The following MBD2 variants were observed in gnomAD, a reference collection of about 807,000 sequenced individuals.
MBD2 encodes methyl-CpG-binding domain protein 2.
In MBD2, 9 loss-of-function variants were observed where a neutral mutation model predicts 39.3. The ratio of observed to expected loss-of-function variants is 0.23; its 90% CI spans 0.14 to 0.40. MBD2 has a LOEUF of 0.40. Ranked by LOEUF, MBD2 falls within the 10% of genes least tolerant of loss-of-function variation. The pLI is 1.00. For synonymous variants in MBD2, 233 were observed against 211.1 expected, an observed-to-expected ratio of 1.10 and a Z score of -0.90; for missense variants, 458 against 532.6, an observed-to-expected ratio of 0.86 and a Z score of 1.38.
Position 54,224,314 on chromosome 18 carries a change from A to ACGGCCC in MBD2, c.240_245dup (p.Gly95_Arg96dup), listed in dbSNP as rs1210718511. Reference sequence around the variant, plus strand: ...CCCGGCCCCGTCCCCGTCCCCGGCCACGGCCCCGGCCCCGGCCACGGCCAC... The same window carrying ACGGCCC: ...CCCGGCCCCGTCCCCGTCCCCGGCCACGGCCCCGGCCCCGGCCCCGGCCACGGCCAC... On this transcript the variant is annotated inframe_insertion, in exon 1 of 7. Transcript: ENST00000256429. The ACGGCCC allele has an allele frequency of 1.7e-4, 159 of 945,920 alleles. 4 individuals are homozygous for ACGGCCC. In the East Asian group the frequency reaches 0.01, roughly 62 times the overall value. 58.6% of individuals were successfully genotyped at this position (945,920 alleles called of 1,614,324 possible). A position where few individuals can be genotyped will look rare whatever the true frequency, so the allele number is the denominator to read the frequency against.
At chr18:54,185,865 T>C (rs1468566545) in intron 3 of MBD2, among the ~76,000 whole-genome samples, 3 of 152,150 alleles carry the variant, frequency 2.0e-5, no homozygotes, top group Admixed American at 2.0e-4. Flanking sequence ...AAAATTTTAA[T>C]TATAAGTAGA....
chr18:54,201,036 C>T (rs1464420123), intron 2 of MBD2, among the ~76,000 whole-genome samples: 1 of 150,842 alleles, frequency 6.6e-6, no homozygotes. Flanking sequence ...GCCAAGATCA[C>T]GCCACTGCAC....
chr18:54,182,211 C>T (rs2086256359), intron 3 of MBD2, among the ~76,000 whole-genome samples: 2 of 152,152 alleles, frequency 1.3e-5, no homozygotes, highest in African/African-American at 4.8e-5. Flanking sequence ...ACATATTAAG[C>T]ACTTACATAA....
At chr18:54,202,935 G>A (rs2086419038) in intron 2 of MBD2, 3 of 1,012,348 alleles carry the variant, frequency 3.0e-6, no homozygotes, top group Non-Finnish European at 3.2e-6. Context: ...AGTATGCAGG[G>A]CAGGCTTCCC....
At chr18:54,214,865 T>G (rs1778602050) in intron 1 of MBD2, among the ~76,000 whole-genome samples, 1 of 151,640 alleles carries the variant, frequency 6.6e-6, no homozygotes, top group South Asian at 2.1e-4. Context: ...TCAGCCTCCC[T>G]AGTAGCTGGG....
chr18:54,172,465 A>T (rs756481466), intron 3 of MBD2, among the ~76,000 whole-genome samples: 9 of 152,212 alleles, frequency 5.9e-5, no homozygotes, highest in Non-Finnish European at 1.2e-4. Context: ...AGTGATTTGC[A>T]TATATAACTG....
At position 54,224,052 on chromosome 18, in the gene MBD2, G is replaced by A. The variant is rs1298933062; in HGVS notation, c.508C>T (p.Leu170=). Residue 170 remains leucine, a synonymous_variant, in exon 1 of 7, where the codon CTA becomes TTA. Transcript: ENST00000256429. ...KKEEVIRKSG[L]SAGKSDVYYF... is the part of the protein sequence containing the mutation. ...TAGACATCGCTCTTGCCAGCACTTAGCCCAGATTTTCGGATCACTTCCTCC... is the reference window on the plus strand; with the variant it reads ...TAGACATCGCTCTTGCCAGCACTTAACCCAGATTTTCGGATCACTTCCTCC... 1.9e-6 allele frequency: 3 copies of A among 1,597,152 alleles called. No individual in the cohort carries two copies. The highest frequency in any genetic ancestry group is 2.3e-5 in the East Asian group (1 of 43,402).
intron 2 of MBD2, chr18:54,202,561 A>C (rs2086415914): frequency 3.7e-6 from 1 of 268,642 alleles, no homozygotes; most frequent in Non-Finnish European, 6.1e-6. Context: ...TTATTTTTTA[A>C]AATGCAAAAC....
At chr18:54,196,746 C>G (rs1180435348) in intron 2 of MBD2, among the ~76,000 whole-genome samples, 12 of 152,162 alleles carry the variant, frequency 7.9e-5, no homozygotes, top group Admixed American at 7.9e-4. Context: ...TCACTATAGC[C>G]AAGTCCAGAC....
intron 5 of MBD2, among the ~76,000 whole-genome samples, chr18:54,162,756 T>C (rs114041049): frequency 0.017 from 2,659 of 152,344 alleles, 79 homozygotes; most frequent in African/African-American, 0.061. Flanking sequence ...ATTCCTTTCA[T>C]TGATTTTACA....
At chr18:54,171,513 A>G (rs117188487) in intron 3 of MBD2, among the ~76,000 whole-genome samples, 1 of 152,348 alleles carries the variant, frequency 6.6e-6, no homozygotes, top group East Asian at 1.9e-4. Context: ...CTTGCAGACA[A>G]CAAGAGGAAG....
intron 5 of MBD2, among the ~76,000 whole-genome samples, chr18:54,164,015 C>T (rs1033367267): frequency 6.6e-6 from 1 of 152,186 alleles, no homozygotes; most frequent in African/African-American, 2.4e-5. Flanking sequence ...TCCCAAGTAG[C>T]TGGGACTACA....
At chr18:54,200,923 AC>A (rs1382695742) in intron 2 of MBD2, among the ~76,000 whole-genome samples, 1 of 152,064 alleles carries the variant, frequency 6.6e-6, no homozygotes, top group Non-Finnish European at 1.5e-5. Context: ...ACTAAGAAAT[AC>A]AAAAAATTAG....
intron 3 of MBD2, among the ~76,000 whole-genome samples, chr18:54,178,927 GA>G (rs1321028035): frequency 1.3e-5 from 2 of 151,964 alleles, no homozygotes; most frequent in East Asian, 1.9e-4. Flanking sequence ...AAAATCACAT[GA>G]AAAAAACTAG....
intron 3 of MBD2, among the ~76,000 whole-genome samples, chr18:54,174,445 G>A (rs1430909888): frequency 6.6e-6 from 1 of 152,182 alleles, no homozygotes; most frequent in Non-Finnish European, 1.5e-5. Context: ...GTCTCTCCCA[G>A]CTCCTCATTC....
At chr18:54,171,152 A>G (rs2086176659) in intron 3 of MBD2, among the ~76,000 whole-genome samples, 1 of 152,150 alleles carries the variant, frequency 6.6e-6, no homozygotes, top group Non-Finnish European at 1.5e-5. Flanking sequence ...CTGTAATCCC[A>G]GCACTTTGGG....
chr18:54,203,629 C>T (rs908937012), intron 2 of MBD2, among the ~76,000 whole-genome samples: 5 of 152,168 alleles, frequency 3.3e-5, no homozygotes, highest in African/African-American at 1.2e-4. Flanking sequence ...GCATTTTGAC[C>T]TCTGTATCAA....
intron 5 of MBD2, 127 bp from the exon 6 acceptor site, chr18:54,160,030 T>C: frequency 9.0e-7 from 1 of 1,112,886 alleles, no homozygotes; most frequent in Non-Finnish European, 1.3e-6. Flanking sequence ...CCTTTTCAGA[T>C]TTTTGCAGAG....
chr18:54,186,371 G>A lies in MBD2; in HGVS notation c.840+2503C>T, dbSNP rs571870516. On this transcript the variant is annotated intron_variant, in intron 3 of 6. Coordinates refer to ENST00000256429, the MANE Select transcript of MBD2 (RefSeq NM_003927.5). Reference sequence around the variant, plus strand: ...ACTGAATTCAATGAATCTAAGAATGGATAGCAAAATTGGAAGAATCATTTC... The same window carrying A: ...ACTGAATTCAATGAATCTAAGAATGAATAGCAAAATTGGAAGAATCATTTC... Among the ~76,000 whole-genome samples the A allele has an allele frequency of 1.6e-4, 25 of 152,178 alleles. No homozygotes were observed. The East Asian group carries it at 4.4e-3, about 27-fold the overall frequency.
Sources: allele counts gnomAD v4.1 joint callset (sites outside exome capture counted in the v4.1 genomes callset), GRCh38; gene constraint gnomAD v4.1.1; transcripts MANE v1.5; gene names NCBI Gene and HGNC (gene_info 2026-07-23, HGNC 2026-07-21).